Variants in DLG2 observed in about 807,000 individuals in gnomAD.
The protein encoded by DLG2 is disks large homolog 2.
Under a neutral mutation model 132.5 loss-of-function variants are expected in DLG2, and 45 were observed. The observed-to-expected ratio is 0.34, with a 90% CI of 0.27 to 0.44. DLG2 has a LOEUF of 0.44. DLG2 is among the 20% of genes least tolerant of loss of function. The pLI, the probability that DLG2 is intolerant of heterozygous loss-of-function variation, is 1.00. For missense variants in DLG2, 1,045 were observed against 1,196.9 expected (o/e 0.87, Z 1.87); for synonymous variants, 424 against 419.6 (o/e 1.01, Z -0.13).
intron 19 of DLG2, among the ~76,000 whole-genome samples, chr11:83,622,513 C>T (rs894849547): frequency 1.3e-5 from 2 of 152,120 alleles, no homozygotes; most frequent in African/African-American, 2.4e-5. Context: ...ACTGTCCATT[C>T]GACATTTAAA....
intron 6 of DLG2, among the ~76,000 whole-genome samples, chr11:84,878,598 CTAATGTAG>C (rs2086789586): frequency 6.6e-6 from 1 of 151,966 alleles, no homozygotes; most frequent in Non-Finnish European, 1.5e-5. Flanking sequence ...GGAGAAATAC[CTAATGTAG>C]ATAATGGGTG....
chr11:84,296,031 T>C (rs117683854), intron 7 of DLG2, among the ~76,000 whole-genome samples: 77 of 152,320 alleles, frequency 5.1e-4, no homozygotes, highest in Non-Finnish European at 1.0e-3. Context: ...AATGACAAAA[T>C]GTGGTTTATC....
intron 3 of DLG2, among the ~76,000 whole-genome samples, chr11:85,417,991 G>T (rs554840283): frequency 6.6e-6 from 1 of 152,034 alleles, no homozygotes; most frequent in African/African-American, 2.4e-5. Context: ...TTTTGAATTT[G>T]TTTTCTCTTG....
intron 6 of DLG2, among the ~76,000 whole-genome samples, chr11:84,659,304 T>A (rs556983810): frequency 2.0e-5 from 3 of 152,090 alleles, no homozygotes; most frequent in African/African-American, 7.2e-5. Context: ...CTCTCTAAAG[T>A]GTGGGCTCTC....
At chr11:83,627,720 T>C (rs535876497) in intron 19 of DLG2, among the ~76,000 whole-genome samples, 1 of 152,336 alleles carries the variant, frequency 6.6e-6, no homozygotes, top group Non-Finnish European at 1.5e-5. Flanking sequence ...ATCCTTTGGG[T>C]ATATACCCAG....
chr11:85,299,872 A>T (rs2079478336), intron 3 of DLG2, among the ~76,000 whole-genome samples: 1 of 152,224 alleles, frequency 6.6e-6, no homozygotes. Flanking sequence ...GTCTCTTACC[A>T]AAGTAGCTAA....
At chr11:85,236,019 C>G (rs1055424188) in intron 4 of DLG2, among the ~76,000 whole-genome samples, 3 of 151,652 alleles carry the variant, frequency 2.0e-5, no homozygotes, top group African/African-American at 7.3e-5. Flanking sequence ...CTTCTATAGT[C>G]AGGATGAGGG....
chr11:85,160,464 C>T (rs1471744288), intron 4 of DLG2, among the ~76,000 whole-genome samples: 2 of 152,160 alleles, frequency 1.3e-5, no homozygotes, highest in African/African-American at 4.8e-5. Context: ...TTTTGAGAAA[C>T]AGCTCTTGGC....
At chr11:85,081,068 A>C (rs1019287714) in intron 6 of DLG2, among the ~76,000 whole-genome samples, 12 of 152,168 alleles carry the variant, frequency 7.9e-5, no homozygotes, top group Middle Eastern at 3.2e-3. Flanking sequence ...AAACCTAATA[A>C]AAACAAACAG....
At chr11:83,832,472 G>A (rs911703219) in intron 17 of DLG2, among the ~76,000 whole-genome samples, 3 of 152,128 alleles carry the variant, frequency 2.0e-5, no homozygotes, top group African/African-American at 7.2e-5. Flanking sequence ...GATGCCACTG[G>A]AGGCTATTAT....
intron 10 of DLG2, among the ~76,000 whole-genome samples, chr11:84,061,849 G>C (rs1594387883): frequency 6.0e-5 from 1 of 16,800 alleles, no homozygotes; most frequent in South Asian, 4.2e-3. Context: ...CTCTCTGATT[G>C]ACAAAAAAAA....
chr11:83,899,718 C>CT (rs2072874738), intron 15 of DLG2, among the ~76,000 whole-genome samples: 1 of 152,188 alleles, frequency 6.6e-6, no homozygotes, highest in Non-Finnish European at 1.5e-5. Context: ...CAATAAGCCT[C>CT]TTTCTTTTGT....
At chr11:84,149,806 G>T (rs757938397) in intron 9 of DLG2, among the ~76,000 whole-genome samples, 1 of 151,730 alleles carries the variant, frequency 6.6e-6, no homozygotes, top group Non-Finnish European at 1.5e-5. Flanking sequence ...ATTGCATCTC[G>T]TGATGCAATG....
At chr11:85,309,960 A>G (rs2080210178) in intron 3 of DLG2, among the ~76,000 whole-genome samples, 1 of 152,168 alleles carries the variant, frequency 6.6e-6, no homozygotes. Flanking sequence ...TACTAATAAC[A>G]TGCTACCTGG....
At chr11:84,350,172 C>CG (rs2098556772) in intron 7 of DLG2, among the ~76,000 whole-genome samples, 1 of 137,676 alleles carries the variant, frequency 7.3e-6, no homozygotes, top group African/African-American at 2.7e-5. Flanking sequence ...AGAGAGACTT[C>CG]GTCCCCCCCC....
At chr11:83,502,097 G>T (rs777532759) in intron 21 of DLG2, among the ~76,000 whole-genome samples, 3 of 152,158 alleles carry the variant, frequency 2.0e-5, no homozygotes, top group Non-Finnish European at 4.4e-5. Context: ...TACTCATATA[G>T]CGGATACTTT....
intron 6 of DLG2, among the ~76,000 whole-genome samples, chr11:84,642,117 A>AGAGTGTGTGTGT (rs1555124571): frequency 2.2e-5 from 3 of 138,732 alleles, no homozygotes; most frequent in African/African-American, 8.0e-5. Context: ...GTATATGTAG[A>AGAGTGTGTGTGT]GTGTGTGTGT....
chr11:85,184,726 T>C (rs1191175967), intron 4 of DLG2, among the ~76,000 whole-genome samples: 1 of 151,882 alleles, frequency 6.6e-6, no homozygotes, highest in Non-Finnish European at 1.5e-5. Context: ...TTGAACAGTA[T>C]TAGAAGTTAG....
At chr11:84,897,958 A>C (rs1277150608) in intron 6 of DLG2, among the ~76,000 whole-genome samples, 5 of 151,896 alleles carry the variant, frequency 3.3e-5, no homozygotes. Flanking sequence ...ACTGAAGTCT[A>C]TTTCAAATTA....
Sources: allele counts gnomAD v4.1 joint callset (sites outside exome capture counted in the v4.1 genomes callset), GRCh38; gene constraint gnomAD v4.1.1; transcripts MANE v1.5; gene names NCBI Gene and HGNC (gene_info 2026-07-23, HGNC 2026-07-21).